RPS6KC1: variants seen among roughly 807,000 people sequenced by gnomAD.
RPS6KC1 encodes inactive ribosomal protein S6 kinase delta-1.
In RPS6KC1, 54 loss-of-function variants were observed where a neutral mutation model predicts 103.8. That is an observed-to-expected ratio of 0.52 (90% CI 0.42 to 0.65). The LOEUF (loss-of-function observed/expected upper bound fraction) is 0.65. RPS6KC1 is among the 30% of genes least tolerant of loss of function. The pLI is 0.00. For synonymous variants in RPS6KC1, 439 were observed against 438.7 expected, an observed-to-expected ratio of 1.00 and a Z score of -0.01; for missense variants, 1,151 against 1,253.8, an observed-to-expected ratio of 0.92 and a Z score of 1.24.
chr1:213,837,105 C>G, the RPS6KC1 span, among the ~76,000 whole-genome samples: 2 of 152,002 alleles, frequency 1.3e-5, no homozygotes, highest in East Asian at 1.9e-4. Flanking sequence ...AATGGGAGCC[C>G]CAGCTCCCAT....
At chr1:213,821,369 G>A in the RPS6KC1 span, 17 of 152,012 alleles carry the variant, frequency 1.1e-4, no homozygotes, top group Admixed American at 5.2e-4. Context: ...TTCCCCCAGG[G>A]CAAGCCCAGA....
the RPS6KC1 span, among the ~76,000 whole-genome samples, chr1:213,702,756 G>T: frequency 1.6e-3 from 249 of 151,416 alleles, 1 homozygote; most frequent in African/African-American, 5.5e-3. Flanking sequence ...ATTTCTATTG[G>T]CATAAAATAT....
intron 12 of RPS6KC1, among the ~76,000 whole-genome samples, chr1:213,248,099 A>G (rs1231499614): frequency 6.6e-6 from 1 of 152,176 alleles, no homozygotes; most frequent in Middle Eastern, 3.2e-3. Context: ...AATTTCAGCA[A>G]ACATGAGAAA....
the RPS6KC1 span, among the ~76,000 whole-genome samples, chr1:213,521,428 T>G: frequency 1.3e-5 from 2 of 152,216 alleles, no homozygotes; most frequent in African/African-American, 4.8e-5. Flanking sequence ...TTGATGCTAA[T>G]GGCTGATGAC....
chr1:213,573,782 A>C, the RPS6KC1 span, among the ~76,000 whole-genome samples: 1 of 152,200 alleles, frequency 6.6e-6, no homozygotes, highest in African/African-American at 2.4e-5. Context: ...GTTCCTGGAA[A>C]TGAAAGCGTC....
chr1:213,480,427 T>C, the RPS6KC1 span, among the ~76,000 whole-genome samples: 402 of 152,210 alleles, frequency 2.6e-3, no homozygotes, highest in African/African-American at 9.2e-3. Flanking sequence ...TCCAATTGGT[T>C]ATCACTTGTG....
chr1:213,465,575 T>C, the RPS6KC1 span, among the ~76,000 whole-genome samples: 1 of 152,200 alleles, frequency 6.6e-6, no homozygotes, highest in African/African-American at 2.4e-5. Flanking sequence ...CATAAACAGC[T>C]GATAGGTGGT....
chr1:213,676,455 GGGA>G, the RPS6KC1 span, among the ~76,000 whole-genome samples: 1 of 152,238 alleles, frequency 6.6e-6, no homozygotes, highest in South Asian at 2.1e-4. Context: ...CTGCATACGT[GGGA>G]GGAGAAGTCC....
the RPS6KC1 span, among the ~76,000 whole-genome samples, chr1:213,404,208 C>T: frequency 1.3e-5 from 2 of 152,048 alleles, no homozygotes; most frequent in Admixed American, 6.5e-5. Flanking sequence ...AGGTATTGGC[C>T]GTGGGCTGCC....
At chr1:213,735,134 A>G in the RPS6KC1 span, among the ~76,000 whole-genome samples, 1 of 152,194 alleles carries the variant, frequency 6.6e-6, no homozygotes, top group Non-Finnish European at 1.5e-5. Context: ...AGTGTTAGCC[A>G]GGATGGTCTT....
intron 1 of RPS6KC1, among the ~76,000 whole-genome samples, chr1:213,064,921 C>T (rs781285719): frequency 9.4e-4 from 140 of 148,750 alleles, no homozygotes; most frequent in Middle Eastern, 3.7e-3. Flanking sequence ...GTGATCCACC[C>T]GCCTCGGCCT....
chr1:213,637,927 T>C, the RPS6KC1 span, among the ~76,000 whole-genome samples: 3 of 152,112 alleles, frequency 2.0e-5, no homozygotes, highest in Admixed American at 2.0e-4. Context: ...AGTGATCCTC[T>C]CTCTTCAGCC....
chr1:213,475,337 C>A, the RPS6KC1 span, among the ~76,000 whole-genome samples: 2,162 of 152,214 alleles, frequency 0.014, 49 homozygotes, highest in African/African-American at 0.044. Context: ...CTTCATTTGT[C>A]CCCCCTTTCA....
At chr1:213,408,073 G>A in the RPS6KC1 span, among the ~76,000 whole-genome samples, 4 of 152,146 alleles carry the variant, frequency 2.6e-5, no homozygotes, top group African/African-American at 9.7e-5. Context: ...GAAGCACAGG[G>A]AGACACCAGG....
At chr1:213,397,588 TAC>T in the RPS6KC1 span, among the ~76,000 whole-genome samples, 21,262 of 140,200 alleles carry the variant, frequency 0.15, 2,365 homozygotes, top group African/African-American at 0.33. Flanking sequence ...CAGGAACACA[TAC>T]ACACACACAC....
chr1:213,550,322 G>A, the RPS6KC1 span, among the ~76,000 whole-genome samples: 2 of 152,222 alleles, frequency 1.3e-5, no homozygotes, highest in African/African-American at 4.8e-5. Flanking sequence ...CCTCAGGCAG[G>A]TAAGCACATT....
chr1:213,563,845 G>T, the RPS6KC1 span, among the ~76,000 whole-genome samples: 1 of 150,874 alleles, frequency 6.6e-6, no homozygotes, highest in Non-Finnish European at 1.5e-5. Context: ...ACTTTTATAC[G>T]CTAAATTAAT....
intron 6 of RPS6KC1, among the ~76,000 whole-genome samples, chr1:213,145,050 G>A (rs566816836): frequency 1.3e-5 from 2 of 152,242 alleles, no homozygotes; most frequent in South Asian, 4.1e-4. Context: ...GCTCCAGCCT[G>A]GGTGACAGAG....
At chr1:213,357,471 T>C in the RPS6KC1 span, among the ~76,000 whole-genome samples, 10 of 152,180 alleles carry the variant, frequency 6.6e-5, no homozygotes, top group Non-Finnish European at 1.5e-4. Context: ...TCACGAAAGA[T>C]TAGAATCGGA....
Sources: allele counts gnomAD v4.1 joint callset (sites outside exome capture counted in the v4.1 genomes callset), GRCh38; gene constraint gnomAD v4.1.1; transcripts MANE v1.5; gene names NCBI Gene and HGNC (gene_info 2026-07-23, HGNC 2026-07-21).